The following CCNH variants were observed in gnomAD, a reference collection of about 807,000 sequenced individuals.
The protein encoded by CCNH is cyclin H, also known as cyclin-H.
In CCNH, 31 loss-of-function variants were observed where a neutral mutation model predicts 41.9. That is an observed-to-expected ratio of 0.74 (90% CI 0.56 to 1.00). The LOEUF (loss-of-function observed/expected upper bound fraction) is 1.00. Among genes scored for constraint, CCNH ranks in the 50% least tolerant of loss-of-function variants. CCNH has a pLI of 0.00. For missense variants in CCNH, 362 were observed against 388.4 expected, an observed-to-expected ratio of 0.93 and a Z score of 0.57; for synonymous variants, 138 against 136.1, an observed-to-expected ratio of 1.01 and a Z score of -0.10.
At chr5:87,325,810 T>A (rs2112350464) in intron 9 of CCNH, among the ~76,000 whole-genome samples, 1 of 152,330 alleles carries the variant, frequency 6.6e-6, no homozygotes, top group East Asian at 1.9e-4. Flanking sequence ...TGTAAATAAT[T>A]GTATAGTTTC....
intron 9 of CCNH, among the ~76,000 whole-genome samples, chr5:87,338,807 A>G (rs1234568642): frequency 6.6e-6 from 1 of 151,774 alleles, no homozygotes; most frequent in Non-Finnish European, 1.5e-5. Flanking sequence ...ATATATATAT[A>G]ATTTTCCAGT....
the CCNH span, among the ~76,000 whole-genome samples, chr5:87,311,490 A>G: frequency 6.6e-6 from 1 of 152,208 alleles, no homozygotes; most frequent in South Asian, 2.1e-4. Context: ...CAGTAATAAT[A>G]GTTTATTATA....
Position 87,362,534 on chromosome 5 carries a change from T to C in CCNH, c.*90+30236A>G, listed in dbSNP as rs1260853256. ...TCAAGAATGTATGAAATAATTTTAATGTTTTTTAAAATTCAGGATCAAGAA... is the reference window on the plus strand; with the variant it reads ...TCAAGAATGTATGAAATAATTTTAACGTTTTTTAAAATTCAGGATCAAGAA... On this transcript the variant is annotated intron_variant and NMD_transcript_variant, in intron 9 of 9. Coordinates refer to the CCNH transcript ENST00000645953. 11 of 1,578,470 alleles carry C rather than the reference T, an allele frequency of 7.0e-6. No homozygotes were observed. Among genetic ancestry groups the C allele is most frequent in the South Asian group, 5.6e-5 (5 of 90,080 alleles).
At chr5:87,358,968 CTTAA>C (rs1561307964) in intron 9 of CCNH, among the ~76,000 whole-genome samples, 1 of 152,096 alleles carries the variant, frequency 6.6e-6, no homozygotes, top group African/African-American at 2.4e-5. Context: ...ACCTAGACAC[CTTAA>C]TTAACACTGC....
chr5:87,399,494 A>G lies in CCNH; in HGVS notation c.772T>C (p.Leu258=). The G allele has an allele frequency of 1.2e-6, 2 of 1,609,548 alleles. No homozygotes were observed. Among genetic ancestry groups the G allele is most frequent in the Middle Eastern group, 1.7e-4 (1 of 6,054 alleles). Residue 258 remains leucine (L), a synonymous_variant, in exon 7 of 9, where the codon TTA becomes CTA. Transcript: ENST00000256897. ...CTGGGTGGTTCATACTTCTTTACTA[A>G]GTTTCTCATGCCTATGTGGATACAA... ...LLDIMKSMRN[L]VKKYEPPRSE...
At chr5:87,328,398 AAGACTT>A (rs1757387431) in intron 9 of CCNH, among the ~76,000 whole-genome samples, 1 of 152,178 alleles carries the variant, frequency 6.6e-6, no homozygotes, top group Non-Finnish European at 1.5e-5. Flanking sequence ...TTTGACTGTG[AAGACTT>A]AAGAGTAATA....
intron 9 of CCNH, among the ~76,000 whole-genome samples, chr5:87,364,227 G>A (rs1047080156): frequency 7.9e-5 from 12 of 152,028 alleles, no homozygotes; most frequent in Non-Finnish European, 1.3e-4. Context: ...TTTCTGTGAG[G>A]CAAATCTACG....
At chr5:87,359,957 T>C (rs1340739665) in intron 9 of CCNH, among the ~76,000 whole-genome samples, 1 of 152,200 alleles carries the variant, frequency 6.6e-6, no homozygotes, top group Non-Finnish European at 1.5e-5. Flanking sequence ...CACAGCCATC[T>C]TGTAAACTCT....
At chr5:87,331,551 A>ATT in intron 9 of CCNH, 1 of 1,557,898 alleles carries the variant, frequency 6.4e-7, no homozygotes, top group South Asian at 1.1e-5. Flanking sequence ...ATTTTGATAT[A>ATT]ATATTCATAA....
At chr5:87,319,716 A>T (rs1177548475) in intron 9 of CCNH, among the ~76,000 whole-genome samples, 1 of 151,952 alleles carries the variant, frequency 6.6e-6, no homozygotes, top group Non-Finnish European at 1.5e-5. Flanking sequence ...AGCCATGAAG[A>T]TCTCTGACAT....
chr5:87,386,522 G>A (rs1173728348), downstream of CCNH, among the ~76,000 whole-genome samples: 4 of 151,940 alleles, frequency 2.6e-5, no homozygotes, highest in African/African-American at 9.7e-5. Context: ...TATGTGTTAC[G>A]ATTTGTGCTT....
chr5:87,398,417 T>C (rs940034558), intron 7 of CCNH, among the ~76,000 whole-genome samples: 1 of 152,182 alleles, frequency 6.6e-6, no homozygotes, highest in African/African-American at 2.4e-5. Flanking sequence ...ATAACTCCCA[T>C]TAAATTTTAA....
At chr5:87,315,494 T>G (rs551629020), downstream of CCNH, among the ~76,000 whole-genome samples, 7 of 152,320 alleles carry the variant, frequency 4.6e-5, no homozygotes, top group African/African-American at 1.7e-4. Flanking sequence ...TGTATGAATT[T>G]GGGGATTAAG....
rs140747495 is a variant in CCNH, at chr5:87,399,394, G to A, written c.872C>T (p.Thr291Met). 121 of 1,599,348 alleles carry A rather than the reference G, an allele frequency of 7.6e-5. No homozygotes were observed. The highest frequency in any genetic ancestry group is 7.0e-4 in the African/African-American group (52 of 74,662). Residue 291 changes from threonine (T) to methionine (M), a missense_variant and splice_region_variant, in exon 7 of 9, where the codon ACG (threonine) becomes ATG (methionine). Physicochemically the swap from Thr to Met is moderately conservative, Grantham distance 81. Transcript: ENST00000256897. ...GATTAACACTGTCACATTAACTTAC[G>A]TGATTACGTTAAGTGCAAGCTCAGC... ...HSAELALNVI[T>M]KKRKGYEDDD...
intron 9 of CCNH, among the ~76,000 whole-genome samples, chr5:87,356,030 CTT>C (rs1306278422): frequency 6.6e-6 from 1 of 152,180 alleles, no homozygotes; most frequent in Admixed American, 6.5e-5. Context: ...AAAGTGGTCT[CTT>C]GAGATAGAAT....
chr5:87,316,513 T>C (rs1561275520), downstream of CCNH, among the ~76,000 whole-genome samples: 1 of 152,334 alleles, frequency 6.6e-6, no homozygotes, highest in East Asian at 1.9e-4. Context: ...CCCTCAAATT[T>C]CATGGCATTT....
chr5:87,336,342 A>G (rs1307575237), intron 9 of CCNH, among the ~76,000 whole-genome samples: 1 of 152,052 alleles, frequency 6.6e-6, no homozygotes, highest in African/African-American at 2.4e-5. Context: ...CATTTTTAAG[A>G]GTGTAAAGAG....
chr5:87,333,944 A>AG (rs1757772511), intron 9 of CCNH, among the ~76,000 whole-genome samples: 1 of 152,212 alleles, frequency 6.6e-6, no homozygotes, highest in Non-Finnish European at 1.5e-5. Flanking sequence ...ATTGAAGAAC[A>AG]GGGATGAATT....
chr5:87,367,760 A>C (rs1760631769), intron 9 of CCNH, among the ~76,000 whole-genome samples: 1 of 152,158 alleles, frequency 6.6e-6, no homozygotes, highest in African/African-American at 2.4e-5. Context: ...GTTTTGCTGG[A>C]TATTAAATTC....
Sources: allele counts gnomAD v4.1 joint callset (sites outside exome capture counted in the v4.1 genomes callset), GRCh38; gene constraint gnomAD v4.1.1; transcripts MANE v1.5; gene names NCBI Gene and HGNC (gene_info 2026-07-23, HGNC 2026-07-21).